NDUFAF7: variants seen among roughly 807,000 people sequenced by gnomAD.
The protein encoded by NDUFAF7 is NADH:ubiquinone oxidoreductase complex assembly factor 7.
A neutral mutation model predicts 47.2 loss-of-function variants in NDUFAF7; 48 were observed. The observed-to-expected ratio is 1.02, with a 90% CI of 0.81 to 1.29. The LOEUF (loss-of-function observed/expected upper bound fraction) is 1.29. Among genes scored for constraint, NDUFAF7 ranks in the 50% most tolerant of loss-of-function variants. The probability of loss-of-function intolerance (pLI) is 0.00; values close to 1 mark genes in which losing one functional copy is unlikely to be tolerated. For missense variants in NDUFAF7, 635 were observed against 537.6 expected, an observed-to-expected ratio of 1.18 and a Z score of -1.79; for synonymous variants, 217 against 190.0, an observed-to-expected ratio of 1.14 and a Z score of -1.17.
chr2:37,255,117 G>A (rs1425666172), downstream of NDUFAF7, among the ~76,000 whole-genome samples: 1 of 152,152 alleles, frequency 6.6e-6, no homozygotes, highest in African/African-American at 2.4e-5. Context: ...TGATAGAAGA[G>A]GTCTACAGAA....
At chr2:37,259,277 T>C in the NDUFAF7 span, among the ~76,000 whole-genome samples, 2 of 152,242 alleles carry the variant, frequency 1.3e-5, no homozygotes, top group Non-Finnish European at 2.9e-5. Flanking sequence ...TTATGAGGTA[T>C]TTATCCTAAG....
intron 6 of NDUFAF7, among the ~76,000 whole-genome samples, chr2:37,243,548 C>T (rs1666577508): frequency 1.3e-5 from 2 of 152,162 alleles, no homozygotes; most frequent in South Asian, 4.1e-4. Flanking sequence ...AGGAGAAGAG[C>T]AGCTCTCATG....
chr2:37,262,575 G>A, the NDUFAF7 span, among the ~76,000 whole-genome samples: 1 of 152,162 alleles, frequency 6.6e-6, no homozygotes, highest in African/African-American at 2.4e-5. Flanking sequence ...GGTGGGGTGT[G>A]ACAATGGCAA....
chr2:37,247,495 C>T lies in NDUFAF7; in HGVS notation c.976C>T (p.Pro326Ser). The T allele has an allele frequency of 6.2e-7, 1 of 1,613,846 alleles. No individual in the cohort carries two copies. Among genetic ancestry groups the T allele is most frequent in the Non-Finnish European group, 8.5e-7 (1 of 1,179,940 alleles). The change falls in exon 9 of 10, where the codon CCA (proline) becomes TCA (serine). Residue 326 changes from proline (P) to serine (S), a missense_variant. Coordinates refer to ENST00000002125, the MANE Select transcript of NDUFAF7 (RefSeq NM_144736.5). ...DHKLHDVLIAPGTADLTADVD... is the reference protein window; with the variant it reads ...DHKLHDVLIASGTADLTADVD... ...CAAGCTTCATGATGTCTTAATTGCC[C>T]CAGGAACAGCAGATCTAACAGCTGA... is the stretch of plus-strand genomic sequence containing the variant.
intron 8 of NDUFAF7, among the ~76,000 whole-genome samples, chr2:37,246,688 A>G (rs1474267400): frequency 6.6e-6 from 1 of 152,152 alleles, no homozygotes; most frequent in Admixed American, 6.5e-5. Context: ...ATTCTATTCA[A>G]TATACTTTAA....
chr2:37,263,658 A>T, the NDUFAF7 span, among the ~76,000 whole-genome samples: 2 of 152,184 alleles, frequency 1.3e-5, no homozygotes, highest in Non-Finnish European at 2.9e-5. Context: ...ATCTTATCAG[A>T]TCATGACCCT....
chr2:37,246,443 A>G (rs895167192), intron 8 of NDUFAF7, among the ~76,000 whole-genome samples: 2 of 152,220 alleles, frequency 1.3e-5, no homozygotes, highest in African/African-American at 2.4e-5. Context: ...CTATGTTTAT[A>G]TAAATCCAGA....
At chr2:37,267,420 T>C in the NDUFAF7 span, 1 of 1,543,102 alleles carries the variant, frequency 6.5e-7, no homozygotes, top group Non-Finnish European at 8.8e-7. Context: ...TTTTTATTTT[T>C]TATTTTTACC....
chr2:37,269,718 T>TAGAAA, the NDUFAF7 span: 12 of 1,463,186 alleles, frequency 8.2e-6, no homozygotes, highest in African/African-American at 1.4e-5. Flanking sequence ...GTTAGTATTA[T>TAGAAA]TTATTTCTAT....
chr2:37,254,735 C>G (rs371863628), downstream of NDUFAF7, among the ~76,000 whole-genome samples: 94 of 152,254 alleles, frequency 6.2e-4, no homozygotes, highest in African/African-American at 2.2e-3. Flanking sequence ...CTGATCCTCC[C>G]CACCCCGCTC....
At chr2:37,262,867 G>C in the NDUFAF7 span, among the ~76,000 whole-genome samples, 3 of 151,870 alleles carry the variant, frequency 2.0e-5, no homozygotes, top group Admixed American at 6.6e-5. Flanking sequence ...TTATCTGATA[G>C]AGATGAGCAA....
At chr2:37,256,635 T>A (rs773630046), downstream of NDUFAF7, 64,526 of 699,346 alleles carry the variant, frequency 0.092, 2,650 homozygotes, top group African/African-American at 0.25. Flanking sequence ...AAAATTTTTT[T>A]TTTTTTTTTT....
the NDUFAF7 span, chr2:37,260,523 A>T: frequency 6.2e-6 from 5 of 801,330 alleles, no homozygotes; most frequent in Middle Eastern, 3.3e-4. Context: ...TAAAAATTAC[A>T]ATCAATGAAA....
chr2:37,269,838 T>C, the NDUFAF7 span: 1 of 624,116 alleles, frequency 1.6e-6, no homozygotes, highest in African/African-American at 1.8e-5. Flanking sequence ...AAACACAGGC[T>C]TTCTATGTTC....
the NDUFAF7 span, chr2:37,267,854 C>G: frequency 3.9e-6 from 1 of 259,148 alleles, no homozygotes; most frequent in Non-Finnish European, 7.3e-6. Flanking sequence ...GAGACTCTGT[C>G]AAGATGGAAA....
At chr2:37,254,673 A>G (rs1243351989), downstream of NDUFAF7, among the ~76,000 whole-genome samples, 6 of 152,208 alleles carry the variant, frequency 3.9e-5, no homozygotes, top group Non-Finnish European at 7.4e-5. Context: ...TGCTTAGCAC[A>G]TAAGTGCTAA....
the NDUFAF7 span, among the ~76,000 whole-genome samples, chr2:37,258,762 A>G: frequency 3.3e-5 from 5 of 152,340 alleles, no homozygotes; most frequent in Admixed American, 6.5e-5. Context: ...GATTTTTAAT[A>G]TATCTTTTTA....
downstream of NDUFAF7, chr2:37,253,431 G>T (rs549121715): frequency 9.3e-5 from 115 of 1,234,480 alleles, no homozygotes; most frequent in Middle Eastern, 6.6e-4. Context: ...GTTTTTTTTT[G>T]TTGTTGTTTA....
chr2:37,239,722 G>A (rs768668524), intron 4 of NDUFAF7, among the ~76,000 whole-genome samples: 2 of 140,702 alleles, frequency 1.4e-5, no homozygotes, highest in Non-Finnish European at 3.1e-5. Context: ...GAAACAAGAT[G>A]TGTGAAAGTA....
Sources: gnomAD v4.1 joint callset for allele counts (sites outside exome capture counted in the v4.1 genomes callset) on GRCh38, gnomAD v4.1.1 for gene constraint, MANE v1.5 for transcripts, NCBI Gene and HGNC (gene_info 2026-07-23, HGNC 2026-07-21) for gene names.